The following NPIPB2 variants were observed in gnomAD, a reference collection of about 807,000 sequenced individuals.
NPIPB2 encodes nuclear pore complex-interacting protein family member B2.
A neutral mutation model predicts 30.8 loss-of-function variants in NPIPB2; 27 were observed. The observed-to-expected ratio is 0.88, with a 90% CI of 0.65 to 1.21. The LOEUF (loss-of-function observed/expected upper bound fraction) is 1.21. Among genes scored for constraint, NPIPB2 ranks in the 50% most tolerant of loss-of-function variants. The pLI, the probability that NPIPB2 is intolerant of heterozygous loss-of-function variation, is 0.00. For missense variants in NPIPB2, 440 were observed against 446.2 expected (o/e 0.99, Z 0.13); for synonymous variants, 147 against 162.0 (o/e 0.91, Z 0.70).
At chr16:11,973,085 G>C (rs2055245654) in intron 1 of NPIPB2, among the ~76,000 whole-genome samples, 1 of 146,628 alleles carries the variant, frequency 6.8e-6, no homozygotes, top group Non-Finnish European at 1.5e-5. Flanking sequence ...GCTTGAACCT[G>C]AGAGGCAGAG....
chr16:11,953,323 TTTTG>T (rs1164459087), intron 1 of NPIPB2, among the ~76,000 whole-genome samples: 14 of 151,954 alleles, frequency 9.2e-5, no homozygotes, highest in African/African-American at 1.9e-4. Context: ...TTTTTGGGTT[TTTTG>T]TTTGTTTGTT....
chr16:11,945,343 T>C (rs1019126051), upstream of NPIPB2, among the ~76,000 whole-genome samples: 11 of 152,068 alleles, frequency 7.2e-5, 1 homozygote, highest in Non-Finnish European at 1.3e-4. Context: ...ATGGCACCAC[T>C]GCAGTCCAGC....
intron 1 of NPIPB2, among the ~76,000 whole-genome samples, chr16:11,947,850 G>A (rs1344905085): frequency 1.3e-5 from 2 of 151,408 alleles, no homozygotes; most frequent in Admixed American, 1.3e-4. Context: ...GGGAGCAGCT[G>A]GTCATGGAAG....
intron 1 of NPIPB2, among the ~76,000 whole-genome samples, chr16:11,952,846 G>A (rs961298496): frequency 1.3e-5 from 2 of 152,058 alleles, no homozygotes; most frequent in African/African-American, 4.8e-5. Context: ...GATTACAGGT[G>A]TCAGCCACCG....
intron 1 of NPIPB2, among the ~76,000 whole-genome samples, chr16:11,976,142 C>G (rs185718491): frequency 1.3e-3 from 205 of 151,878 alleles, no homozygotes; most frequent in Non-Finnish European, 2.6e-3. Context: ...TTCTCACTCA[C>G]CCTCTCGAAC....
rs537829892 is a variant in NPIPB2 at position 11,973,075 on chromosome 16, G to A, written c.-584+3493C>T. 4.0e-5 allele frequency among the ~76,000 whole-genome samples: 6 copies of A among 149,328 alleles called. No homozygotes were observed. The South Asian group carries it at 1.1e-3, about 26-fold the overall frequency. ...CTCAGGAGGCTGAGGCAGGAGACTC[G>A]CTTGAACCTGAGAGGCAGAGGCAGA... On this transcript the variant is annotated intron_variant, in intron 1 of 5. Transcript: ENST00000538896.
intron 1 of NPIPB2, chr16:11,966,445 C>A: frequency 8.3e-7 from 1 of 1,200,712 alleles, no homozygotes; most frequent in Non-Finnish European, 1.2e-6. Context: ...TTCGTTACAG[C>A]CCTTTCGAAT....
intron 1 of NPIPB2, among the ~76,000 whole-genome samples, chr16:11,964,357 T>C (rs10451085): frequency 0.049 from 7,441 of 152,184 alleles, 371 homozygotes; most frequent in African/African-American, 0.13. Flanking sequence ...TAAATGTCTC[T>C]TTTTCTGTCA....
At chr16:11,965,261 T>G in intron 1 of NPIPB2, 1 of 1,596,184 alleles carries the variant, frequency 6.3e-7, no homozygotes, top group Non-Finnish European at 8.6e-7. Context: ...GGAATTCTTG[T>G]AGAGATATTA....
intron 1 of NPIPB2, among the ~76,000 whole-genome samples, chr16:11,948,878 C>T (rs1313237417): frequency 6.6e-6 from 1 of 151,154 alleles, no homozygotes; most frequent in African/African-American, 2.4e-5. Context: ...TGGCTCATGT[C>T]GGTAATCCTA....
At chr16:11,972,003 G>A (rs945047821) in intron 1 of NPIPB2, among the ~76,000 whole-genome samples, 5 of 151,730 alleles carry the variant, frequency 3.3e-5, no homozygotes, top group East Asian at 3.9e-4. Flanking sequence ...AAAATTAGCC[G>A]GGTGTGGTGG....
chr16:11,952,333 G>C (rs889401382), intron 1 of NPIPB2, among the ~76,000 whole-genome samples: 1 of 151,616 alleles, frequency 6.6e-6, no homozygotes, highest in African/African-American at 2.4e-5. Flanking sequence ...GGATGATAGA[G>C]CAAGACTCCG....
At chr16:11,958,677 G>A (rs535534609) in intron 1 of NPIPB2, among the ~76,000 whole-genome samples, 1 of 152,166 alleles carries the variant, frequency 6.6e-6, no homozygotes, top group Non-Finnish European at 1.5e-5. Flanking sequence ...GGAGGTTGAG[G>A]CTGCAGTGAG....
chr16:11,935,072 C>T (rs1225189241), intron 2 of NPIPB2, among the ~76,000 whole-genome samples: 3 of 138,934 alleles, frequency 2.2e-5, no homozygotes, highest in Non-Finnish European at 4.7e-5. Context: ...GAGCATCTTC[C>T]TTCTGTCCCT....
At chr16:11,942,129 C>T (rs2054950792), upstream of NPIPB2, 1 of 1,532,452 alleles carries the variant, frequency 6.5e-7, no homozygotes, top group Admixed American at 2.0e-5. Flanking sequence ...ATCTCAGGAA[C>T]AAATGTACGT....
intron 1 of NPIPB2, among the ~76,000 whole-genome samples, chr16:11,952,030 G>A (rs1438577192): frequency 2.0e-5 from 3 of 151,850 alleles, no homozygotes; most frequent in Non-Finnish European, 2.9e-5. Flanking sequence ...GTAGTGGCGG[G>A]CGCCTGTAGT....
At chr16:11,955,152 G>A (rs530505218) in intron 1 of NPIPB2, among the ~76,000 whole-genome samples, 114 of 151,862 alleles carry the variant, frequency 7.5e-4, no homozygotes, top group African/African-American at 2.6e-3. Flanking sequence ...CCAGGAGTCC[G>A]AGACCAGCCT....
intron 1 of NPIPB2, among the ~76,000 whole-genome samples, chr16:11,960,559 T>C (rs768289382): frequency 2.0e-5 from 3 of 152,082 alleles, no homozygotes; most frequent in Non-Finnish European, 4.4e-5. Context: ...GGTTTCACCA[T>C]GTTGGCCAGG....
intron 1 of NPIPB2, among the ~76,000 whole-genome samples, chr16:11,972,659 A>C (rs1441065618): frequency 6.9e-6 from 1 of 145,700 alleles, no homozygotes; most frequent in Non-Finnish European, 1.5e-5. Context: ...CAGATCATGA[A>C]GTCAAGAGAT....
Sources: gnomAD v4.1 joint callset for allele counts (sites outside exome capture counted in the v4.1 genomes callset) on GRCh38, gnomAD v4.1.1 for gene constraint, MANE v1.5 for transcripts, NCBI Gene and HGNC (gene_info 2026-07-23, HGNC 2026-07-21) for gene names.